Variants in LTBP1 observed in about 807,000 individuals in gnomAD.
The protein encoded by LTBP1 is latent-transforming growth factor beta-binding protein 1.
LTBP1 carries 129 observed loss-of-function variants against 207.6 expected under a neutral mutation model. The ratio of observed to expected loss-of-function variants is 0.62; its 90% CI spans 0.54 to 0.72. The LOEUF (loss-of-function observed/expected upper bound fraction) is 0.72. Among genes scored for constraint, LTBP1 ranks in the 30% least tolerant of loss-of-function variants. The probability of loss-of-function intolerance (pLI) is 0.00; values close to 1 mark genes in which losing one functional copy is unlikely to be tolerated. For synonymous variants in LTBP1, 963 were observed against 833.7 expected (o/e 1.16, Z -2.67); for missense variants, 2,281 against 2,217.2 (o/e 1.03, Z -0.58).
intron 5 of LTBP1, among the ~76,000 whole-genome samples, chr2:33,164,080 G>A (rs962665028): frequency 4.6e-5 from 7 of 152,008 alleles, no homozygotes; most frequent in Admixed American, 3.9e-4. Context: ...GCCGGGTGCA[G>A]TGGTTCATGC....
intron 7 of LTBP1, among the ~76,000 whole-genome samples, chr2:33,189,190 T>G (rs200467519): frequency 4.0e-5 from 6 of 150,952 alleles, no homozygotes; most frequent in African/African-American, 1.5e-4. Flanking sequence ...TTTATTTGTT[T>G]ATTGATTGAT....
chr2:33,115,037 TACACACACACACACACACAC>T (rs60544598), intron 4 of LTBP1, among the ~76,000 whole-genome samples: 3 of 145,150 alleles, frequency 2.1e-5, no homozygotes, highest in Non-Finnish European at 4.5e-5. Flanking sequence ...AACAGATATA[TACACACACACACACACACAC>T]ACACACACAC....
At chr2:32,993,662 G>A (rs60485084) in intron 2 of LTBP1, among the ~76,000 whole-genome samples, 11,722 of 152,270 alleles carry the variant, frequency 0.077, 474 homozygotes, top group Middle Eastern at 0.11. Context: ...TGAAGGCCGT[G>A]TGGGGAAAAC....
chr2:32,980,518 G>A (rs1682600448), intron 2 of LTBP1, among the ~76,000 whole-genome samples: 1 of 152,042 alleles, frequency 6.6e-6, no homozygotes. Flanking sequence ...TTAACTTTTT[G>A]TAGTTTCTAT....
intron 7 of LTBP1, among the ~76,000 whole-genome samples, chr2:33,191,460 G>A (rs933630793): frequency 1.3e-5 from 2 of 152,098 alleles, no homozygotes; most frequent in Non-Finnish European, 2.9e-5. Flanking sequence ...CTGTTTTTTG[G>A]AAAGCATTCT....
intron 33 of LTBP1, among the ~76,000 whole-genome samples, chr2:33,397,654 C>G (rs2095371542): frequency 6.7e-6 from 1 of 149,922 alleles, no homozygotes; most frequent in African/African-American, 2.5e-5. Context: ...ACTACAGGCA[C>G]CCGCCACCAC....
intron 4 of LTBP1, among the ~76,000 whole-genome samples, chr2:33,132,708 G>A (rs772015699): frequency 2.0e-4 from 30 of 152,288 alleles, no homozygotes; most frequent in East Asian, 3.9e-4. Flanking sequence ...TAGAACCACC[G>A]GTGAAGGAGA....
At chr2:33,176,101 C>T (rs916115226) in intron 5 of LTBP1, among the ~76,000 whole-genome samples, 2 of 151,552 alleles carry the variant, frequency 1.3e-5, no homozygotes, top group Non-Finnish European at 2.9e-5. Flanking sequence ...CACATGTATA[C>T]ATACGTAACT....
chr2:33,094,558 T>C (rs2079286797), intron 3 of LTBP1, among the ~76,000 whole-genome samples: 3 of 152,216 alleles, frequency 2.0e-5, no homozygotes. Context: ...ACAACTGGCC[T>C]CCTTCAAGAA....
chr2:33,144,679 A>G (rs2082878836), intron 5 of LTBP1, among the ~76,000 whole-genome samples: 1 of 152,222 alleles, frequency 6.6e-6, no homozygotes, highest in South Asian at 2.1e-4. Flanking sequence ...TGGACTTAAA[A>G]TAGATATTTG....
At chr2:33,014,682 A>G (rs1206012629) in intron 2 of LTBP1, among the ~76,000 whole-genome samples, 1 of 152,238 alleles carries the variant, frequency 6.6e-6, no homozygotes. Context: ...GTAGAAGCTG[A>G]GCTTCAGGGC....
intron 15 of LTBP1, among the ~76,000 whole-genome samples, chr2:33,272,300 C>G (rs1011618866): frequency 6.6e-6 from 1 of 152,186 alleles, no homozygotes; most frequent in Non-Finnish European, 1.5e-5. Flanking sequence ...AGCCCACCTG[C>G]TTTTCTTCTC....
intron 23 of LTBP1, among the ~76,000 whole-genome samples, chr2:33,310,209 A>T (rs1340469604): frequency 2.0e-5 from 3 of 151,996 alleles, no homozygotes; most frequent in Admixed American, 1.3e-4. Context: ...GGCCTCCAAA[A>T]TGCTGGGATT....
At chr2:33,214,086 C>T (rs1042420660) in intron 7 of LTBP1, among the ~76,000 whole-genome samples, 9 of 152,172 alleles carry the variant, frequency 5.9e-5, no homozygotes, top group East Asian at 1.9e-4. Flanking sequence ...TTGAGTGTTT[C>T]GCTTGATTAG....
chr2:33,190,454 T>G (rs761144598), intron 7 of LTBP1, among the ~76,000 whole-genome samples: 4 of 152,208 alleles, frequency 2.6e-5, no homozygotes, highest in Non-Finnish European at 4.4e-5. Flanking sequence ...TTGTCACCTT[T>G]CTTCTAGGAG....
At chr2:33,213,884 G>A (rs2090496283) in intron 7 of LTBP1, among the ~76,000 whole-genome samples, 1 of 152,214 alleles carries the variant, frequency 6.6e-6, no homozygotes, top group South Asian at 2.1e-4. Context: ...GCTCTTGGCT[G>A]TGGACCTGCA....
Position 33,188,801 on chromosome 2 carries a change from G to A in LTBP1, c.1651G>A (p.Ala551Thr), listed in dbSNP as rs370365118. The A allele has an allele frequency of 3.0e-5, 49 of 1,614,062 alleles. No individual in the cohort carries two copies. Among genetic ancestry groups the A allele is most frequent in the Non-Finnish European group, 3.4e-5 (40 of 1,180,044 alleles). ...GGTCATTCCTCACGTCTACCCCGTG[G>A]CTGCTAAGACACAGCTTGGCCGGTG... ...QQVIPHVYPV[A>T]AKTQLGRCFQ... The change falls in exon 7 of 34, where the codon GCT (alanine) becomes ACT (threonine). Residue 551 changes from alanine (A) to threonine (T), a missense_variant. Ala to Thr is a moderately conservative substitution (Grantham distance 58). Around this residue, in one of 3 missense-constraint regions of LTBP1, gnomAD observed 1,671 missense variants for 1,634.8 expected, o/e 1.02. Transcript: ENST00000404816.
chr2:32,973,697 T>C (rs1052025609), intron 2 of LTBP1, among the ~76,000 whole-genome samples: 1 of 152,148 alleles, frequency 6.6e-6, no homozygotes, highest in African/African-American at 2.4e-5. Flanking sequence ...TCATTCTTTC[T>C]ATTTTTTTTG....
chr2:33,234,387 G>A (rs945184379), intron 9 of LTBP1, among the ~76,000 whole-genome samples: 6 of 151,916 alleles, frequency 3.9e-5, no homozygotes, highest in African/African-American at 1.4e-4. Context: ...GCACATTCAG[G>A]GTGGTATGGC....
Sources: gnomAD v4.1 joint callset for allele counts (sites outside exome capture counted in the v4.1 genomes callset) on GRCh38, gnomAD v4.1.1 for gene constraint, gnomAD v4.1.1 regional missense constraint, MANE v1.5 for transcripts, NCBI Gene and HGNC (gene_info 2026-07-23, HGNC 2026-07-21) for gene names.